The following THUMPD1 variants were observed in gnomAD, a reference collection of about 807,000 sequenced individuals.
THUMPD1 encodes the protein THUMP domain-containing protein 1.
A neutral mutation model predicts 31.6 loss-of-function variants in THUMPD1; 31 were observed. The ratio of observed to expected loss-of-function variants is 0.98; its 90% CI spans 0.74 to 1.32. THUMPD1 has a LOEUF of 1.32. Among genes scored for constraint, THUMPD1 ranks in the 40% most tolerant of loss-of-function variants. The pLI, the probability that THUMPD1 is intolerant of heterozygous loss-of-function variation, is 0.00. For missense variants in THUMPD1, 446 were observed against 427.8 expected (o/e 1.04, Z -0.38); for synonymous variants, 166 against 158.2 (o/e 1.05, Z -0.37).
chr16:20,738,636 T>G (rs570538964), intron 2 of THUMPD1: 214 of 425,784 alleles, frequency 5.0e-4, no homozygotes, highest in East Asian at 4.7e-3. Context: ...GCCCCTTATT[T>G]ACACAGAACT....
intron 2 of THUMPD1, chr16:20,738,312 A>C: frequency 3.6e-6 from 1 of 280,202 alleles, no homozygotes; most frequent in Non-Finnish European, 7.2e-6. Context: ...CTTTTTTACA[A>C]AAAAAAAAAA....
Position 20,741,586 on chromosome 16 carries a change from T to C in THUMPD1, c.154A>G (p.Met52Val), listed in dbSNP as rs1596494252. The change falls in exon 1 of 4, where the codon ATG (methionine) becomes GTG (valine). Residue 52 changes from methionine to valine, a missense_variant. Physicochemically the swap from Met to Val is conservative, Grantham distance 21. Transcript: ENST00000396083. ...TCCTCCACGCACTTGCGCTCGTTCA[T>C]ATTGCAGGTGATGAGGATGCCCTGT... is the stretch of plus-strand genomic sequence containing the variant. ...GLQGILITCN[M>V]NERKCVEEAY... The C allele has an allele frequency of 1.9e-6, 3 of 1,570,344 alleles. No individual in the cohort carries two copies. Among genetic ancestry groups the C allele is most frequent in the Non-Finnish European group, 2.6e-6 (3 of 1,157,788 alleles).
At position 20,741,502 on chromosome 16, in the gene THUMPD1, C is replaced by T. The variant is rs1436765655; in HGVS notation, c.231+7G>A. 1.4e-6 allele frequency: 2 copies of T among 1,438,628 alleles called. No individual in the cohort carries two copies. Among genetic ancestry groups the T allele is most frequent in the African/African-American group, 1.5e-5 (1 of 67,264 alleles). 89.1% of individuals were successfully genotyped at this position (1,438,628 alleles called of 1,614,324 possible). ...GCCGGCCCGCCCGCCCACCCCGGGA[C>T]CGGTACCTTTTCTGGCCCATACATG... On this transcript the variant is annotated splice_region_variant and intron_variant, in intron 1 of 3. Transcript: ENST00000396083.
rs1021751240 is a variant in THUMPD1, at chr16:20,736,605, G to A, written c.*275C>T. ...TCACTCCCTTAAGTCAGCTGGCACTGCAGAAGAGGAGCCTGGGAGAGGCCA... is the reference window on the plus strand; with the variant it reads ...TCACTCCCTTAAGTCAGCTGGCACTACAGAAGAGGAGCCTGGGAGAGGCCA... On this transcript the variant is annotated 3_prime_UTR_variant, in exon 4 of 4. Transcript: ENST00000396083. 4 of 370,086 alleles carry A rather than the reference G, an allele frequency of 1.1e-5. No individual in the cohort carries two copies. The highest frequency in any genetic ancestry group is 2.0e-5 in the Non-Finnish European group (4 of 204,398). 22.9% of individuals were successfully genotyped at this position (370,086 alleles called of 1,614,324 possible).
In THUMPD1 at chr16:20,739,021, A is replaced by C. The variant is rs771879205; in HGVS notation, c.282T>G (p.Asp94Glu). The change falls in exon 2 of 4, where the codon GAT (aspartate) becomes GAG (glutamate). Residue 94 changes from aspartate to glutamate, a missense_variant. Asp to Glu is a conservative substitution (Grantham distance 45, BLOSUM62 2). Coordinates refer to ENST00000396083, the MANE Select transcript of THUMPD1 (RefSeq NM_017736.5). Reference protein sequence around the residue: ...QPSGSEGEDDDAEAALKKEVG... With the variant: ...QPSGSEGEDDEAEAALKKEVG... ...CTTCTTTCTTCAAGGCAGCCTCCGC[A>C]TCATCATCCTCTCCCTCACTTCCAG... The C allele has an allele frequency of 6.2e-7, 1 of 1,614,198 alleles. No individual in the cohort carries two copies. The highest frequency in any genetic ancestry group is 8.5e-7 in the Non-Finnish European group (1 of 1,180,034).
In THUMPD1 at chr16:20,741,551, G is replaced by A. The variant is rs1313815135; in HGVS notation, c.189C>T (p.Ser63=). The A allele has an allele frequency of 1.3e-6, 2 of 1,583,988 alleles. No homozygotes were observed. Among genetic ancestry groups the A allele is most frequent in the Admixed American group, 1.8e-5 (1 of 56,360 alleles). The change falls in exon 1 of 4, where the codon AGC becomes AGT. Residue 63 remains serine (S), a synonymous_variant. Coordinates refer to ENST00000396083, the MANE Select transcript of THUMPD1 (RefSeq NM_017736.5). ...NERKCVEEAY[S]LLNEYGDDMY... ...TGTCGTCGCCGTATTCGTTGAGGAG[G>A]CTGTAGGCCTCCTCCACGCACTTGC...
chr16:20,741,482 C>CGGG, intron 1 of THUMPD1, 27 bp downstream of exon 1: 2 of 160,348 alleles, frequency 1.2e-5, no homozygotes, highest in Non-Finnish European at 1.3e-5. Flanking sequence ...TGGCAGCCGG[C>CGGG]CCGCCCGCCC....
In THUMPD1 at chr16:20,735,985, T is replaced by C. The variant is rs1007123811; in HGVS notation, c.*895A>G. On this transcript the variant is annotated 3_prime_UTR_variant, in exon 4 of 4. Transcript: ENST00000396083. ...TAATTTGCTTCTTAAACCTTTTGAC[T>C]AAAGGTGATTTCTGAACAAAAGCCT... 5.9e-5 allele frequency: 9 copies of C among 152,212 alleles called. No individual in the cohort carries two copies. 9.4% of individuals were successfully genotyped at this position (152,212 alleles called of 1,614,324 possible).
chr16:20,737,389 G>C, intron 3 of THUMPD1, 103 bp from the exon 4 acceptor site: 1 of 1,187,226 alleles, frequency 8.4e-7, no homozygotes, highest in Non-Finnish European at 1.2e-6. Context: ...AAGACATACA[G>C]TAATCCACTC....
Position 20,741,634 on chromosome 16 carries a change from G to T in THUMPD1, c.106C>A (p.Pro36Thr), listed in dbSNP as rs1430630376. The T allele has an allele frequency of 1.3e-6, 2 of 1,577,920 alleles. No individual in the cohort carries two copies. The highest frequency in any genetic ancestry group is 1.7e-6 in the Non-Finnish European group (2 of 1,162,500). The change falls in exon 1 of 4, where the codon CCC becomes ACC. Residue 36 changes from proline to threonine, a missense_variant. Pro to Thr is a conservative substitution (Grantham distance 38). Transcript: ENST00000396083. ...TGTAGCCCGGGCTCTAGCTGACGGG[G>T]CCCGCCAGCGTCGCAGCGCCGAGCG... ...KRARRCDAGG[P>T]RQLEPGLQGI...
intron 1 of THUMPD1, 28 bp downstream of exon 1, chr16:20,741,481 G>GGGGGGGGGGGGCCCCCCC: frequency 7.6e-6 from 10 of 1,308,408 alleles, no homozygotes; most frequent in South Asian, 1.8e-5. Context: ...CTGGCAGCCG[G>GGGGGGGGGGGGCCCCCCC]CCCGCCCGCC....
chr16:20,738,954 ATCT>A lies in THUMPD1; in HGVS notation c.346_348del (p.Arg116del), dbSNP rs757832045. 1.2e-5 allele frequency: 20 copies of A among 1,614,080 alleles called. No homozygotes were observed. In the African/African-American group the frequency reaches 1.7e-4, roughly 14 times the overall value. On this transcript the variant is annotated inframe_deletion, in exon 2 of 4. Transcript: ENST00000396083. The stretch of plus-strand genomic sequence containing the variant: ...TTTGCTCCACTTTCCACTGACTGGA[ATCT>A]TCTTAACCTCATCTCTGTAGATGCC...
At position 20,736,977 on chromosome 16, in the gene THUMPD1, G is replaced by A. The variant is rs150883000; in HGVS notation, c.965C>T (p.Thr322Met). Residue 322 changes from threonine (T) to methionine (M), a missense_variant, in exon 4 of 4, where the codon ACG becomes ATG. Coordinates refer to ENST00000396083, the MANE Select transcript of THUMPD1 (RefSeq NM_017736.5). ...NTEELGQTKPTSNPQVVNEGG... is the reference protein window; with the variant it reads ...NTEELGQTKPMSNPQVVNEGG... ...CTCATTTACCACCTGTGGATTAGAC[G>A]TTGGTTTTGTCTGCCCCAGCTCCTC... 1.3e-4 allele frequency: 207 copies of A among 1,614,064 alleles called. No individual in the cohort carries two copies. The African/African-American group carries it at 1.5e-3, about 11-fold the overall frequency.
chr16:20,738,425 G>C (rs1278125562), intron 2 of THUMPD1, among the ~76,000 whole-genome samples: 1 of 152,028 alleles, frequency 6.6e-6, no homozygotes, highest in Non-Finnish European at 1.5e-5. Context: ...AACCATGCTG[G>C]GCACAACATC....
intron 1 of THUMPD1, 33 bp downstream of exon 1, chr16:20,741,476 A>AGCCGGGGGGGGGGGC: frequency 7.2e-7 from 1 of 1,388,840 alleles, no homozygotes; most frequent in Non-Finnish European, 9.5e-7. Flanking sequence ...AAGGCCTGGC[A>AGCCGGGGGGGGGGGC]GCCGGCCCGC....
chr16:20,738,235 G>A, intron 2 of THUMPD1: 1 of 494,090 alleles, frequency 2.0e-6, no homozygotes, highest in Non-Finnish European at 3.9e-6. Context: ...GTGATGTCCT[G>A]AGTTATCCAA....
Position 20,737,056 on chromosome 16 carries a change from C to T in THUMPD1, c.886G>A (p.Asp296Asn). ...TTTCCTTCTGCTGTGTTGTTTTGGTCTGATTTGTCCGCAGATTCCAGTTTA... is the reference window on the plus strand; with the variant it reads ...TTTCCTTCTGCTGTGTTGTTTTGGTTTGATTTGTCCGCAGATTCCAGTTTA... ...EAKLESADKS[D>N]QNNTAEGKNN... The change falls in exon 4 of 4, where the codon GAC becomes AAC. Residue 296 changes from aspartate to asparagine, a missense_variant. By Grantham distance (23) the Asp-to-Asn change is conservative (BLOSUM62 1). Coordinates refer to ENST00000396083, the MANE Select transcript of THUMPD1 (RefSeq NM_017736.5). 6.2e-7 allele frequency: 1 copy of T among 1,614,150 alleles called. No individual in the cohort carries two copies. The highest frequency in any genetic ancestry group is 8.5e-7 in the Non-Finnish European group (1 of 1,180,018).
intron 1 of THUMPD1, among the ~76,000 whole-genome samples, chr16:20,741,179 A>G (rs2079916635): frequency 1.3e-5 from 2 of 152,174 alleles, no homozygotes; most frequent in Admixed American, 6.5e-5. Context: ...GGAGAAGTCG[A>G]GGCTTCCCTG....
intron 3 of THUMPD1, 59 bp from the exon 4 acceptor site, chr16:20,737,345 C>A: frequency 6.6e-7 from 1 of 1,505,444 alleles, no homozygotes. Context: ...CTGATAGATA[C>A]AAAAAATCTT....
Sources: gnomAD v4.1 joint callset for allele counts (sites outside exome capture counted in the v4.1 genomes callset) on GRCh38, gnomAD v4.1.1 for gene constraint, MANE v1.5 for transcripts, NCBI Gene and HGNC (gene_info 2026-07-23, HGNC 2026-07-21) for gene names.